The following SPZ1 variants were observed in gnomAD, a reference collection of about 807,000 sequenced individuals.
The protein encoded by SPZ1 is spermatogenic leucine zipper 1.
For missense variants in SPZ1, 408 were observed against 486.2 expected (o/e 0.84, Z 1.51); for synonymous variants, 160 against 167.6 (o/e 0.95, Z 0.35).
In SPZ1 at chr5:80,320,386, C is replaced by T. The variant is rs1274428316; in HGVS notation, c.171C>T (p.Ser57=). 1 of 1,614,066 alleles carries T rather than the reference C, an allele frequency of 6.2e-7. No homozygotes were observed. The highest frequency in any genetic ancestry group is 8.5e-7 in the Non-Finnish European group (1 of 1,180,008). The change falls in exon 1 of 1, where the codon AGC becomes AGT. Residue 57 remains serine, a synonymous_variant. Coordinates refer to ENST00000296739, the MANE Select transcript of SPZ1 (RefSeq NM_032567.4). The part of the protein sequence containing the change: ...WGSLPFLKNS[S]HQVTEQQTAQ... ...CTCTCCCTTTCCTAAAGAATAGCAG[C>T]CATCAAGTTACAGAACAACAGACTG...
Position 80,320,783 on chromosome 5 carries a change from C to T in SPZ1, c.568C>T (p.Gln190Ter). ...AGAGAAAGAAGACAATGAAAAGAAA[C>T]AGCAGATGATAATGGAAAACCAGAA... The change falls in exon 2 of 2, where the codon CAG becomes TAG. Residue 190 changes from glutamine to a stop codon, truncating the protein, a stop_gained. Transcript: ENST00000511881. LOFTEE classifies it low-confidence loss of function (END_TRUNC). 1 of 1,614,130 alleles carries T rather than the reference C, an allele frequency of 6.2e-7. No homozygotes were observed. The highest frequency in any genetic ancestry group is 1.1e-5 in the South Asian group (1 of 91,080).
Position 80,321,001 on chromosome 5 carries a change from T to C in SPZ1, c.786T>C (p.Thr262=). The C allele has an allele frequency of 1.2e-6, 2 of 1,614,168 alleles. No individual in the cohort carries two copies. The highest frequency in any genetic ancestry group is 1.7e-6 in the Non-Finnish European group (2 of 1,180,032). The change falls in exon 1 of 1, where the codon ACT becomes ACC. Residue 262 remains threonine, a synonymous_variant. Coordinates refer to ENST00000296739, the MANE Select transcript of SPZ1 (RefSeq NM_032567.4). The part of the protein sequence containing the change: ...QEAEHWSKQH[T]ELSKLIKSYQ... The stretch of plus-strand genomic sequence containing the variant: ...CAGAACACTGGAGTAAACAACATAC[T>C]GAGCTCAGTAAACTGATAAAATCCT...
chr5:80,321,290 A>G lies in SPZ1; in HGVS notation c.1075A>G (p.Lys359Glu), dbSNP rs1349622289. Residue 359 changes from lysine (K) to glutamate (E), a missense_variant, in exon 1 of 1, where the codon AAA becomes GAA. By Grantham distance (56) the Lys-to-Glu change is moderately conservative. Transcript: ENST00000296739. Reference sequence around the variant, plus strand: ...AGAGAAGCCAATTCAGATAAACTATAAACAGGACAAGAAAAATCAGAAGCC... The same window carrying G: ...AGAGAAGCCAATTCAGATAAACTATGAACAGGACAAGAAAAATCAGAAGCC... ...LQEKPIQINYKQDKKNQKPSE... is the reference protein window; with the variant it reads ...LQEKPIQINYEQDKKNQKPSE... 6.2e-7 allele frequency: 1 copy of G among 1,611,386 alleles called. No individual in the cohort carries two copies. The highest frequency in any genetic ancestry group is 1.7e-5 in the Admixed American group (1 of 59,278).
At position 80,320,335 on chromosome 5, in the gene SPZ1, A is replaced by T. The variant is rs779330178; in HGVS notation, c.120A>T (p.Gly40=). ...PRITIALFEI[G]SHSPSSWGSL... is the part of the protein sequence containing the mutation. ...TTACCATTGCCTTATTCGAAATTGG[A>T]TCACATTCCCCTTCCTCCTGGGGCT... is the stretch of plus-strand genomic sequence containing the variant. Residue 40 remains glycine (G), a synonymous_variant, in exon 1 of 1, where the codon GGA becomes GGT. Coordinates refer to ENST00000296739, the MANE Select transcript of SPZ1 (RefSeq NM_032567.4). 17 of 1,614,144 alleles carry T rather than the reference A, an allele frequency of 1.1e-5. No individual in the cohort carries two copies. Among genetic ancestry groups the T allele is most frequent in the Non-Finnish European group, 1.4e-5 (17 of 1,180,034 alleles).
rs766838840 is a variant in SPZ1 at position 80,320,852 on chromosome 5, C to T, written c.637C>T (p.Arg213Cys). Residue 213 changes from arginine (R) to cysteine (C), a missense_variant, in exon 1 of 1, where the codon CGT (arginine) becomes TGT (cysteine). Transcript: ENST00000296739. ...AQVFARDLVN[R>C]LEEKKVLNET... ...AGTTTTTGCAAGAGATTTGGTAAATCGTTTAGAAGAAAAAAAAGTCCTTAA... is the reference window on the plus strand; with the variant it reads ...AGTTTTTGCAAGAGATTTGGTAAATTGTTTAGAAGAAAAAAAAGTCCTTAA... 2.5e-5 allele frequency: 41 copies of T among 1,613,428 alleles called. No homozygotes were observed. The highest frequency in any genetic ancestry group is 3.3e-5 in the Non-Finnish European group (39 of 1,179,914).
In SPZ1 at chr5:80,320,212, C is replaced by G; in HGVS notation, c.-4C>G. 1 of 1,603,208 alleles carries G rather than the reference C, an allele frequency of 6.2e-7. No individual in the cohort carries two copies. Among genetic ancestry groups the G allele is most frequent in the South Asian group, 1.1e-5 (1 of 89,132 alleles). On this transcript the variant is annotated 5_prime_UTR_variant, in exon 1 of 1. Coordinates refer to ENST00000296739, the MANE Select transcript of SPZ1 (RefSeq NM_032567.4). ...CTAAAGTTTTCTGCTTTCCTTCTGT[C>G]CTGATGGCCAGCTCTGCTAAGTCAG...
chr5:80,321,702 A>G lies in SPZ1; in HGVS notation c.*194A>G. On this transcript the variant is annotated 3_prime_UTR_variant, in exon 1 of 1. Transcript: ENST00000296739. ...TATGTAAGTCTGGTCTTTAATGACC[A>G]TTGTGTCTACATCAAGTTCATAACT... 2 of 458,928 alleles carry G rather than the reference A, an allele frequency of 4.4e-6. No homozygotes were observed. Among genetic ancestry groups the G allele is most frequent in the Non-Finnish European group, 7.9e-6 (2 of 254,684 alleles). 28.4% of individuals were successfully genotyped at this position (458,928 alleles called of 1,614,324 possible). A position where few individuals can be genotyped will look rare whatever the true frequency, so the allele number is the denominator to read the frequency against.
In SPZ1 at chr5:80,320,292, A is replaced by C; in HGVS notation, c.77A>C (p.Glu26Ala). The change falls in exon 1 of 1, where the codon GAA (glutamate) becomes GCA (alanine). Residue 26 changes from glutamate (E) to alanine (A), a missense_variant. Glu to Ala is a moderately radical substitution (Grantham distance 107). Coordinates refer to ENST00000296739, the MANE Select transcript of SPZ1 (RefSeq NM_032567.4). ...AACCCTACTCCTGATCCTCATCAAG[A>C]ATATCTGGACCCTAGGATTACCATT... The part of the protein sequence containing the change: ...TVNPTPDPHQ[E>A]YLDPRITIAL... 6.2e-7 allele frequency: 1 copy of C among 1,613,892 alleles called. No homozygotes were observed. The highest frequency in any genetic ancestry group is 8.5e-7 in the Non-Finnish European group (1 of 1,179,904).
Position 80,320,788 on chromosome 5 carries a change from G to A in SPZ1, c.573G>A (p.Gln191=), listed in dbSNP as rs745727451. ...PEKEDNEKKQ[Q]MIMENQNSEN... is the part of the protein sequence containing the mutation. ...AAGAAGACAATGAAAAGAAACAGCA[G>A]ATGATAATGGAAAACCAGAACTCTG... is the stretch of plus-strand genomic sequence containing the variant. Residue 191 remains glutamine (Q), a synonymous_variant, in exon 1 of 1, where the codon CAG becomes CAA. Transcript: ENST00000296739. The A allele has an allele frequency of 8.6e-5, 139 of 1,614,076 alleles. No homozygotes were observed. The highest frequency in any genetic ancestry group is 1.1e-4 in the Non-Finnish European group (135 of 1,180,058).
chr5:80,320,966 C>T lies in SPZ1; in HGVS notation c.751C>T (p.Leu251=), dbSNP rs1743544002. 6.2e-7 allele frequency: 1 copy of T among 1,613,698 alleles called. No individual in the cohort carries two copies. The highest frequency in any genetic ancestry group is 8.5e-7 in the Non-Finnish European group (1 of 1,179,964). The change falls in exon 1 of 1, where the codon CTA becomes TTA. Residue 251 remains leucine (L), a synonymous_variant. Transcript: ENST00000296739. ...MKIRNNMEQL[L]QEAEHWSKQH... ...AATTAGGAACAACATGGAGCAGTTA[C>T]TACAGGAAGCAGAACACTGGAGTAA...
Position 80,321,324 on chromosome 5 carries a change from C to T in SPZ1, c.1109C>T (p.Ala370Val). The T allele has an allele frequency of 6.2e-7, 1 of 1,611,060 alleles. No homozygotes were observed. The highest frequency in any genetic ancestry group is 8.5e-7 in the Non-Finnish European group (1 of 1,179,424). ...QDKKNQKPSEAKKVEMYKQNK... is the reference protein window; with the variant it reads ...QDKKNQKPSEVKKVEMYKQNK... ...AAGAAAAATCAGAAGCCATCAGAAG[C>T]AAAGAAAGTAGAAATGTATAAGCAG... Residue 370 changes from alanine (A) to valine (V), a missense_variant, in exon 1 of 1, where the codon GCA becomes GTA. Physicochemically the swap from Ala to Val is moderately conservative, Grantham distance 64. Transcript: ENST00000296739.
chr5:80,321,496 C>A lies in SPZ1; in HGVS notation c.1281C>A (p.Ser427Arg). 6.3e-7 allele frequency: 1 copy of A among 1,577,304 alleles called. No individual in the cohort carries two copies. The highest frequency in any genetic ancestry group is 8.6e-7 in the Non-Finnish European group (1 of 1,169,042). Reference protein sequence around the residue: ...KALRGKMRSASSLR With the variant: ...KALRGKMRSARSLR ...TTAGGGGAAAAATGAGGTCAGCTAG[C>A]AGCCTAAGATAGAAAATACCAAAAG... is the stretch of plus-strand genomic sequence containing the variant. Residue 427 changes from serine (S) to arginine (R), a missense_variant, in exon 1 of 1, where the codon AGC becomes AGA. Ser to Arg is a moderately radical substitution (Grantham distance 110, BLOSUM62 -1). Coordinates refer to ENST00000296739, the MANE Select transcript of SPZ1 (RefSeq NM_032567.4).
At position 80,321,601 on chromosome 5, in the gene SPZ1, C is replaced by T. The variant is rs939631654; in HGVS notation, c.*93C>T. 2.0e-6 allele frequency: 2 copies of T among 993,882 alleles called. No individual in the cohort carries two copies. The highest frequency in any genetic ancestry group is 6.2e-5 in the Admixed American group (2 of 32,452). The allele number at this position is 993,882 out of a possible 1,614,324, so 61.6% of individuals were successfully genotyped here. On this transcript the variant is annotated 3_prime_UTR_variant, in exon 1 of 1. Coordinates refer to ENST00000296739, the MANE Select transcript of SPZ1 (RefSeq NM_032567.4). ...TCATGATCAATCATCAAACCTTGGG[C>T]AGATCTGCTGGTTCAACCAAGAAAG... is the stretch of plus-strand genomic sequence containing the variant.
rs1743523158 is a variant in SPZ1, at chr5:80,320,115, T to C, written c.-101T>C. 1.1e-6 allele frequency: 1 copy of C among 930,034 alleles called. No individual in the cohort carries two copies. 57.6% of individuals were successfully genotyped at this position (930,034 alleles called of 1,614,324 possible). On this transcript the variant is annotated 5_prime_UTR_variant, in exon 1 of 1. Transcript: ENST00000296739. The stretch of plus-strand genomic sequence containing the variant: ...AATTTTAATCCTTAACTTTGGTCTC[T>C]GACTTCTGCTTGATTCCACAGTCTC...
In SPZ1 at chr5:80,320,222, A is replaced by G. The variant is rs1743524817; in HGVS notation, c.7A>G (p.Ser3Gly). 1 of 1,606,992 alleles carries G rather than the reference A, an allele frequency of 6.2e-7. No homozygotes were observed. Among genetic ancestry groups the G allele is most frequent in the Non-Finnish European group, 8.5e-7 (1 of 1,177,186 alleles). The change falls in exon 1 of 1, where the codon AGC (serine) becomes GGC (glycine). Residue 3 changes from serine to glycine, a missense_variant. Coordinates refer to ENST00000296739, the MANE Select transcript of SPZ1 (RefSeq NM_032567.4). MA[S>G]SAKSAEMPTI... Reference sequence around the variant, plus strand: ...CTGCTTTCCTTCTGTCCTGATGGCCAGCTCTGCTAAGTCAGCTGAGATGCC... The same window carrying G: ...CTGCTTTCCTTCTGTCCTGATGGCCGGCTCTGCTAAGTCAGCTGAGATGCC...
Position 80,320,915 on chromosome 5 carries a change from C to T in SPZ1, c.700C>T (p.Leu234Phe). Residue 234 changes from leucine (L) to phenylalanine (F), a missense_variant, in exon 1 of 1, where the codon CTT (leucine) becomes TTT (phenylalanine). Transcript: ENST00000296739. ...QQSQEKAKNRLNVQEETMKIR... is the reference protein window; with the variant it reads ...QQSQEKAKNRFNVQEETMKIR... ...AAGTCAGGAAAAAGCAAAAAACAGA[C>T]TTAATGTTCAAGAAGAAACTATGAA... The T allele has an allele frequency of 6.2e-7, 1 of 1,609,828 alleles. No homozygotes were observed. The highest frequency in any genetic ancestry group is 8.5e-7 in the Non-Finnish European group (1 of 1,179,202).
chr5:80,320,337 C>G lies in SPZ1; in HGVS notation c.122C>G (p.Ser41Ter). Residue 41 changes from serine to a stop codon, truncating the protein, a stop_gained, in exon 2 of 2, where the codon TCA becomes TGA. Coordinates refer to the SPZ1 transcript ENST00000511881. LOFTEE classifies it low-confidence loss of function (END_TRUNC). ...ACCATTGCCTTATTCGAAATTGGAT[C>G]ACATTCCCCTTCCTCCTGGGGCTCT... 6.2e-7 allele frequency: 1 copy of G among 1,614,116 alleles called. No individual in the cohort carries two copies.
chr5:80,320,651 T>C lies in SPZ1; in HGVS notation c.436T>C (p.Leu146=). The C allele has an allele frequency of 6.2e-7, 1 of 1,600,954 alleles. No homozygotes were observed. The highest frequency in any genetic ancestry group is 1.1e-5 in the South Asian group (1 of 90,528). The part of the protein sequence containing the change: ...EDNEKKQEMI[L]ETNITEDVSA... ...CAATGAAAAGAAACAGGAGATGATA[T>C]TGGAAACCAATATTACTGAGGATGT... The change falls in exon 1 of 1, where the codon TTG becomes CTG. Residue 146 remains leucine, a synonymous_variant. Transcript: ENST00000296739.
rs201315922 is a variant in SPZ1, at chr5:80,320,641, G to A, written c.426G>A (p.Gln142=). 1.0e-4 allele frequency: 165 copies of A among 1,606,276 alleles called. No individual in the cohort carries two copies. The East Asian group carries it at 3.2e-3, about 31-fold the overall frequency. ...AGAAAGAAGACAATGAAAAGAAACA[G>A]GAGATGATATTGGAAACCAATATTA... is the stretch of plus-strand genomic sequence containing the variant. ...APEKEDNEKK[Q]EMILETNITE... is the part of the protein sequence containing the mutation. Residue 142 remains glutamine, a synonymous_variant, in exon 1 of 1, where the codon CAG becomes CAA. Transcript: ENST00000296739.
Sources: gnomAD v4.1 joint callset for allele counts on GRCh38, gnomAD v4.1.1 for gene constraint, MANE v1.5 for transcripts, NCBI Gene and HGNC (gene_info 2026-07-23, HGNC 2026-07-21) for gene names.